The following TXLNA variants were observed in gnomAD, a reference collection of about 807,000 sequenced individuals.
The protein encoded by TXLNA is taxilin alpha, also known as alpha-taxilin.
TXLNA carries 9 observed loss-of-function variants against 61.4 expected under a neutral mutation model. That is an observed-to-expected ratio of 0.15 (90% CI 0.09 to 0.26). The LOEUF is 0.26. TXLNA is among the 10% of genes least tolerant of loss of function. The pLI is 1.00. For missense variants in TXLNA, 565 were observed against 688.8 expected (o/e 0.82, Z 2.01); for synonymous variants, 257 against 267.7 (o/e 0.96, Z 0.39).
In TXLNA at chr1:32,185,404, A is replaced by T. The variant is rs543417313; in HGVS notation, c.597+788A>T. 2.5e-3 allele frequency among the ~76,000 whole-genome samples: 372 copies of T among 151,754 alleles called. 1 individual carries two copies. Among genetic ancestry groups the T allele is most frequent in the Middle Eastern group, 0.024 (7 of 294 alleles). On this transcript the variant is annotated intron_variant, in intron 4 of 10. Coordinates refer to ENST00000373610, the MANE Select transcript of TXLNA (RefSeq NM_175852.4). Reference sequence around the variant, plus strand: ...TATGTATGTATTTATTTATTTATTTATTTTTTGAGACGGGGTCTTGCTCTG... The same window carrying T: ...TATGTATGTATTTATTTATTTATTTTTTTTTTGAGACGGGGTCTTGCTCTG...
chr1:32,184,329 A>G (rs887454713), intron 3 of TXLNA, among the ~76,000 whole-genome samples, 196 bp from the exon 4 acceptor site: 2 of 152,104 alleles, frequency 1.3e-5, no homozygotes, highest in African/African-American at 2.4e-5. Flanking sequence ...ATCCTCTGTG[A>G]TGGTACTATG....
chr1:32,194,709 G>C (rs1642978188), intron 10 of TXLNA, among the ~76,000 whole-genome samples, 193 bp from the exon 11 acceptor site: 1 of 152,116 alleles, frequency 6.6e-6, no homozygotes, highest in African/African-American at 2.4e-5. Flanking sequence ...TTATCTCCAA[G>C]CCGTGCCCCT....
intron 6 of TXLNA, 39 bp downstream of exon 6, chr1:32,190,288 G>T: frequency 6.4e-7 from 1 of 1,550,574 alleles, no homozygotes; most frequent in Non-Finnish European, 8.8e-7. Context: ...CCCAGAAATT[G>T]TGAGGTTTTG....
intron 5 of TXLNA, 144 bp from the exon 6 acceptor site, chr1:32,189,911 C>G: frequency 1.3e-6 from 1 of 780,472 alleles, no homozygotes; most frequent in Non-Finnish European, 2.0e-6. Context: ...CCATTGGAAC[C>G]CGCATTGCAC....
chr1:32,184,942 A>G (rs1642748922), intron 4 of TXLNA, among the ~76,000 whole-genome samples: 1 of 152,256 alleles, frequency 6.6e-6, no homozygotes, highest in Non-Finnish European at 1.5e-5. Flanking sequence ...CACAGTTAAT[A>G]AAACTAACAC....
At chr1:32,187,149 G>T (rs1442693927) in intron 4 of TXLNA, among the ~76,000 whole-genome samples, 1 of 152,050 alleles carries the variant, frequency 6.6e-6, no homozygotes, top group African/African-American at 2.4e-5. Context: ...TGATCTGCCT[G>T]CCTCAGCCTC....
At position 32,194,913 on chromosome 1, in the gene TXLNA, G is replaced by A. The variant is rs1450644106; in HGVS notation, c.1359G>A (p.Arg453=). The A allele has an allele frequency of 1.2e-6, 2 of 1,611,246 alleles. No homozygotes were observed. Among genetic ancestry groups the A allele is most frequent in the Admixed American group, 3.4e-5 (2 of 59,456 alleles). Residue 453 remains arginine, a synonymous_variant, in exon 11 of 11, where the codon CGG becomes CGA. Coordinates refer to ENST00000373610, the MANE Select transcript of TXLNA (RefSeq NM_175852.4). ...ATTTCTTTCCCTAGAAAACAGTCCG[G>A]GATAAAGAACTGGAGGGCCTGCAGG... is the stretch of plus-strand genomic sequence containing the variant. ...LLEMAEEKTV[R]DKELEGLQVK...
Position 32,195,000 on chromosome 1 carries a change from C to T in TXLNA, c.1446C>T (p.Asn482=). 6.2e-7 allele frequency: 1 copy of T among 1,614,224 alleles called. No homozygotes were observed. Among genetic ancestry groups the T allele is most frequent in the Non-Finnish European group, 8.5e-7 (1 of 1,180,026 alleles). Reference sequence around the variant, plus strand: ...TGCAGACAGAGCGCAATGACCTGAACAAGAGGGTACAGGACCTGAGTGCTG... The same window carrying T: ...TGCAGACAGAGCGCAATGACCTGAATAAGAGGGTACAGGACCTGAGTGCTG... ...RALQTERNDL[N]KRVQDLSAGG... The change falls in exon 11 of 11, where the codon AAC becomes AAT. Residue 482 remains asparagine (N), a synonymous_variant. Transcript: ENST00000373610.
rs754226527 is a variant in TXLNA, at chr1:32,190,160, A to G, written c.874A>G (p.Asn292Asp). 3.7e-6 allele frequency: 6 copies of G among 1,600,226 alleles called. No individual in the cohort carries two copies. In the South Asian group the frequency reaches 5.6e-5, roughly 15 times the overall value. The change falls in exon 6 of 11, where the codon AAT becomes GAT. Residue 292 changes from asparagine (N) to aspartate (D), a missense_variant. Physicochemically the swap from Asn to Asp is conservative, Grantham distance 23. Coordinates refer to ENST00000373610, the MANE Select transcript of TXLNA (RefSeq NM_175852.4). ...NDIQLQMEQH[N>D]ERNSKLRQEN... ...CATTCAGCTGCAGATGGAACAGCAC[A>G]ATGAGCGCAACTCCAAGCTGCGCCA...
intron 10 of TXLNA, 98 bp from the exon 11 acceptor site, chr1:32,194,804 G>A: frequency 7.0e-7 from 1 of 1,427,620 alleles, no homozygotes; most frequent in Non-Finnish European, 9.5e-7. Context: ...TTTGGACTCG[G>A]TCTGCTCTCA....
intron 4 of TXLNA, among the ~76,000 whole-genome samples, chr1:32,186,808 C>A (rs1486530783): frequency 6.6e-6 from 1 of 152,210 alleles, no homozygotes; most frequent in African/African-American, 2.4e-5. Flanking sequence ...TCTGCGCTGT[C>A]CAAGATAAAT....
At chr1:32,185,773 A>C (rs1432302257) in intron 4 of TXLNA, among the ~76,000 whole-genome samples, 2 of 145,668 alleles carry the variant, frequency 1.4e-5, no homozygotes, top group African/African-American at 2.6e-5. Flanking sequence ...ATCTCGGCTC[A>C]TTGCAACCTC....
In TXLNA at chr1:32,179,795, G is replaced by C. The variant is rs1273457858; in HGVS notation, c.-33+19G>C. The C allele has an allele frequency of 6.6e-6, 1 of 152,484 alleles. No individual in the cohort carries two copies. The highest frequency in any genetic ancestry group is 1.5e-5 in the Non-Finnish European group (1 of 68,250). 9.4% of individuals were successfully genotyped at this position (152,484 alleles called of 1,614,324 possible). A position where few individuals can be genotyped will look rare whatever the true frequency, so the allele number is the denominator to read the frequency against. On this transcript the variant is annotated intron_variant, in intron 1 of 10. Coordinates refer to ENST00000373610, the MANE Select transcript of TXLNA (RefSeq NM_175852.4). ...CGGTGAGGTACGTGCAGCGGCGGCC[G>C]GTGGGCGAGACTATTTGAGAGTGTG...
At chr1:32,188,429 A>G (rs1473540677) in intron 5 of TXLNA, among the ~76,000 whole-genome samples, 1 of 152,232 alleles carries the variant, frequency 6.6e-6, no homozygotes, top group Admixed American at 6.5e-5. Context: ...ACTTGAGGCC[A>G]GGAGTTTGAG....
intron 1 of TXLNA, 174 bp from the exon 2 acceptor site, chr1:32,180,124 GCCCCGAAAGCCTGCCC>G (rs1642620235): frequency 2.0e-6 from 1 of 508,376 alleles, no homozygotes; most frequent in South Asian, 2.9e-5. Context: ...TGGGAGCTGC[GCCCCGAAAGCCTGCCC>G]CGGCACGTCG....
intron 4 of TXLNA, among the ~76,000 whole-genome samples, chr1:32,186,998 ACGATTCTC>A (rs1642801148): frequency 6.6e-6 from 1 of 152,172 alleles, no homozygotes. Flanking sequence ...CCAGGTTCAA[ACGATTCTC>A]CTGCCTCACA....
chr1:32,193,574 C>T (rs1642952121), intron 9 of TXLNA, among the ~76,000 whole-genome samples: 1 of 151,592 alleles, frequency 6.6e-6, no homozygotes, highest in Non-Finnish European at 1.5e-5. Context: ...TGGAGACTCA[C>T]CTATTGCCCA....
At chr1:32,181,121 TAA>T in intron 2 of TXLNA, 119 bp from the exon 3 acceptor site, 5 of 662,994 alleles carry the variant, frequency 7.5e-6, no homozygotes, top group African/African-American at 1.9e-5. Flanking sequence ...TCAGTTTCCA[TAA>T]AAAAAAAAGT....
Position 32,196,642 on chromosome 1 carries a change from C to T in TXLNA, c.*1447C>T, listed in dbSNP as rs1643031383. On this transcript the variant is annotated 3_prime_UTR_variant, in exon 11 of 11. Coordinates refer to ENST00000373610, the MANE Select transcript of TXLNA (RefSeq NM_175852.4). ...GCCAGGGTATTAGCCAGTGTTTGTGCCAAGCAGTTTTCTGGGACAACAGAA... is the reference window on the plus strand; with the variant it reads ...GCCAGGGTATTAGCCAGTGTTTGTGTCAAGCAGTTTTCTGGGACAACAGAA... 1 of 152,192 alleles carries T rather than the reference C, an allele frequency of 6.6e-6. No homozygotes were observed. Among genetic ancestry groups the T allele is most frequent in the Non-Finnish European group, 1.5e-5 (1 of 68,056 alleles). The allele number at this position is 152,192 out of a possible 1,614,324, so 9.4% of individuals were successfully genotyped here. A position where few individuals can be genotyped will look rare whatever the true frequency, so the allele number is the denominator to read the frequency against.
Sources: allele counts gnomAD v4.1 joint callset (sites outside exome capture counted in the v4.1 genomes callset), GRCh38; gene constraint gnomAD v4.1.1; transcripts MANE v1.5; gene names NCBI Gene and HGNC (gene_info 2026-07-23, HGNC 2026-07-21).